PRORP: variants seen among roughly 807,000 people sequenced by gnomAD.
PRORP encodes the protein protein only RNase P catalytic subunit.
Under a neutral mutation model 59.4 loss-of-function variants are expected in PRORP, and 51 were observed. That is an observed-to-expected ratio of 0.86 (90% confidence interval 0.69 to 1.08). The LOEUF (loss-of-function observed/expected upper bound fraction) is 1.08, where lower values mean the gene tolerates loss of function less well. Among genes scored for constraint, PRORP ranks in the 50% least tolerant of loss-of-function variants. The pLI, the probability that PRORP is intolerant of heterozygous loss-of-function variation, is 0.00. For synonymous variants in PRORP, 231 were observed against 245.6 expected (o/e 0.94, Z 0.55); for missense variants, 646 against 690.3 (o/e 0.94, Z 0.72).
chr14:35,147,200 C>G (rs937594190), intron 4 of PRORP, among the ~76,000 whole-genome samples: 1 of 152,092 alleles, frequency 6.6e-6, no homozygotes, highest in East Asian at 1.9e-4. Flanking sequence ...TTTAAAAATA[C>G]CTTATTGCTA....
chr14:35,244,445 T>TC, intron 5 of PRORP, among the ~76,000 whole-genome samples: 1 of 151,092 alleles, frequency 6.6e-6, no homozygotes, highest in Non-Finnish European at 1.5e-5. Flanking sequence ...TTGGATATTA[T>TC]CTTTTTTTTT....
chr14:35,140,397 A>G lies in PRORP; in HGVS notation c.1167+12786A>G, dbSNP rs137907292. Among the ~76,000 whole-genome samples the G allele has an allele frequency of 6.6e-3, 960 of 145,606 alleles. 140 individuals carry two copies. Among genetic ancestry groups the G allele is most frequent in the South Asian group, 0.023 (102 of 4,464 alleles). On this transcript the variant is annotated intron_variant, in intron 4 of 7. Coordinates refer to ENST00000534898, the MANE Select transcript of PRORP (RefSeq NM_014672.4). Reference sequence around the variant, plus strand: ...CTCTTTACTGTTCTAATAGGTATGAAGTGGTATCTCATTGTGATTTTAATT... The same window carrying G: ...CTCTTTACTGTTCTAATAGGTATGAGGTGGTATCTCATTGTGATTTTAATT...
At chr14:35,167,269 T>G (rs1205540069) in intron 4 of PRORP, among the ~76,000 whole-genome samples, 1 of 152,232 alleles carries the variant, frequency 6.6e-6, no homozygotes, top group Non-Finnish European at 1.5e-5. Context: ...GAGAGATGTT[T>G]GACATGCGGT....
chr14:35,186,246 G>A (rs1367986720), intron 5 of PRORP, among the ~76,000 whole-genome samples: 5 of 150,070 alleles, frequency 3.3e-5, no homozygotes, highest in Non-Finnish European at 7.4e-5. Context: ...GCCTCCCAAA[G>A]TGTTGGGATT....
intron 4 of PRORP, chr14:35,157,818 T>C (rs945597586): frequency 4.5e-5 from 7 of 154,326 alleles, no homozygotes; most frequent in African/African-American, 1.7e-4. Flanking sequence ...CTGGTGCAAA[T>C]TGGTCAAATG....
intron 5 of PRORP, among the ~76,000 whole-genome samples, chr14:35,256,600 G>T (rs997512117): frequency 1.3e-5 from 2 of 151,800 alleles, no homozygotes; most frequent in Non-Finnish European, 2.9e-5. Flanking sequence ...AAAGTGCTGG[G>T]ACTACAGGCG....
intron 5 of PRORP, among the ~76,000 whole-genome samples, chr14:35,247,245 C>T (rs1335681668): frequency 6.6e-6 from 1 of 152,062 alleles, no homozygotes; most frequent in Non-Finnish European, 1.5e-5. Flanking sequence ...GTCCTTCCAC[C>T]GCAGAGCTGC....
In PRORP at chr14:35,270,675, A is replaced by C. The variant is rs2138676308; in HGVS notation, c.1620+79A>C. 3 of 1,296,826 alleles carry C rather than the reference A, an allele frequency of 2.3e-6. No homozygotes were observed. In the African/African-American group the frequency reaches 4.4e-5, roughly 19 times the overall value. The allele number at this position is 1,296,826 out of a possible 1,614,324, so 80.3% of individuals were successfully genotyped here. A position where few individuals can be genotyped will look rare whatever the true frequency, so the allele number is the denominator to read the frequency against. ...ATGTGGCATAGAAAAAGAGTGTCACAACTAATTGAAGGTTGCAAATGCTTT... is the reference window on the plus strand; with the variant it reads ...ATGTGGCATAGAAAAAGAGTGTCACCACTAATTGAAGGTTGCAAATGCTTT... On this transcript the variant is annotated intron_variant, in intron 7 of 7. Coordinates refer to ENST00000534898, the MANE Select transcript of PRORP (RefSeq NM_014672.4).
At chr14:35,152,631 A>G (rs71579504) in intron 4 of PRORP, among the ~76,000 whole-genome samples, 1 of 151,598 alleles carries the variant, frequency 6.6e-6, no homozygotes, top group East Asian at 2.0e-4. Flanking sequence ...CCTCCCTCCC[A>G]GACAGGGCGG....
intron 5 of PRORP, among the ~76,000 whole-genome samples, chr14:35,219,960 G>A (rs114907391): frequency 6.9e-4 from 105 of 152,176 alleles, no homozygotes; most frequent in African/African-American, 2.4e-3. Context: ...ATTCCCTGCC[G>A]CCATCTTCTC....
intron 4 of PRORP, among the ~76,000 whole-genome samples, chr14:35,131,695 A>C (rs2047243617): frequency 6.6e-6 from 1 of 150,994 alleles, no homozygotes; most frequent in Non-Finnish European, 1.5e-5. Context: ...TACCCAGCTA[A>C]TTTTTATATT....
chr14:35,152,070 G>A (rs1452028894), intron 4 of PRORP, among the ~76,000 whole-genome samples: 1 of 152,096 alleles, frequency 6.6e-6, no homozygotes, highest in African/African-American at 2.4e-5. Flanking sequence ...CTAGGCAGAG[G>A]ACCCTGCGGC....
chr14:35,214,704 C>T (rs1202965314), intron 5 of PRORP, among the ~76,000 whole-genome samples: 1 of 152,194 alleles, frequency 6.6e-6, no homozygotes, highest in Admixed American at 6.5e-5. Context: ...GCCAGGAGTT[C>T]GAGACCAGCC....
At chr14:35,178,232 G>A (rs1213327420) in intron 4 of PRORP, among the ~76,000 whole-genome samples, 1 of 152,178 alleles carries the variant, frequency 6.6e-6, no homozygotes, top group Non-Finnish European at 1.5e-5. Flanking sequence ...GATTTGGGGT[G>A]GAGAGTTCTG....
intron 5 of PRORP, among the ~76,000 whole-genome samples, chr14:35,181,630 C>CA (rs1265218619): frequency 4.6e-5 from 7 of 151,604 alleles, no homozygotes; most frequent in African/African-American, 1.7e-4. Context: ...ACTAAAAATA[C>CA]AAAAATTAGT....
intron 4 of PRORP, among the ~76,000 whole-genome samples, chr14:35,134,612 C>A (rs1206404113): frequency 6.6e-6 from 1 of 152,102 alleles, no homozygotes; most frequent in Non-Finnish European, 1.5e-5. Context: ...GGGGGTGTCT[C>A]ATGACTCTGA....
rs2048245393 is a variant in PRORP at position 35,168,779 on chromosome 14, G to A, written c.1168-11891G>A. ...CAAGGACCCCCGTATGTGACTATTA[G>A]TGATGACTTTGTATGTTGCCCAAGA... On this transcript the variant is annotated intron_variant, in intron 4 of 7. Transcript: ENST00000534898. 2.6e-5 allele frequency among the ~76,000 whole-genome samples: 4 copies of A among 152,108 alleles called. 1 individual carries two copies. The South Asian group carries it at 8.3e-4, about 32-fold the overall frequency.
chr14:35,269,007 G>A (rs2051119041), intron 6 of PRORP, among the ~76,000 whole-genome samples: 2 of 152,078 alleles, frequency 1.3e-5, no homozygotes, highest in Non-Finnish European at 2.9e-5. Flanking sequence ...GCTGGAAGAT[G>A]GTGCTTCCAT....
chr14:35,262,271 C>T (rs1462379926), intron 5 of PRORP, among the ~76,000 whole-genome samples: 2 of 152,110 alleles, frequency 1.3e-5, no homozygotes, highest in Admixed American at 6.5e-5. Flanking sequence ...CTCAGCATCC[C>T]AAAGTGCTGG....
Sources: allele counts gnomAD v4.1 joint callset (sites outside exome capture counted in the v4.1 genomes callset), GRCh38; gene constraint gnomAD v4.1.1; transcripts MANE v1.5; gene names NCBI Gene and HGNC (gene_info 2026-07-23, HGNC 2026-07-21).